Variants in KNL1 observed in about 807,000 individuals in gnomAD.
KNL1 encodes outer kinetochore KNL1 complex subunit KNL1.
Under a neutral mutation model 201.3 loss-of-function variants are expected in KNL1, and 66 were observed. The ratio of observed to expected loss-of-function variants is 0.33; its 90% confidence interval spans 0.27 to 0.40. The LOEUF (loss-of-function observed/expected upper bound fraction) is 0.40, where lower values mean the gene tolerates loss of function less well. Among genes scored for constraint, KNL1 ranks in the 10% least tolerant of loss-of-function variants. The pLI is 1.00. For missense variants in KNL1, 2,815 were observed against 2,690.5 expected, an observed-to-expected ratio of 1.05 and a Z score of -1.02; for synonymous variants, 895 against 899.2, an observed-to-expected ratio of 1.00 and a Z score of 0.08.
rs1892567290 is a variant in KNL1 at position 40,622,356 on chromosome 15, A to G, written c.2092A>G (p.Thr698Ala). The change falls in exon 10 of 26, where the codon ACC becomes GCC. Residue 698 changes from threonine (T) to alanine (A), a missense_variant. Thr to Ala is a moderately conservative substitution (Grantham distance 58, BLOSUM62 0). This residue lies in a region of KNL1 where 2,464 missense variants were observed against 2,291.7 expected (regional missense o/e 1.08). Transcript: ENST00000399668. ...TVSWEQSLFSTTKPLFSSGQF... is the reference protein window; with the variant it reads ...TVSWEQSLFSATKPLFSSGQF... The stretch of plus-strand genomic sequence containing the variant: ...ATCATGGGAACAATCTTTGTTTTCT[A>G]CCACAAAGCCATTATTTTCATCAGG... 4 of 1,613,862 alleles carry G rather than the reference A, an allele frequency of 2.5e-6. No individual in the cohort carries two copies. The highest frequency in any genetic ancestry group is 3.4e-6 in the Non-Finnish European group (4 of 1,179,912).
intron 2 of KNL1, among the ~76,000 whole-genome samples, chr15:40,604,693 A>G (rs1038298660): frequency 2.0e-5 from 3 of 152,182 alleles, no homozygotes; most frequent in Admixed American, 6.5e-5. Flanking sequence ...TGAGAGAGGA[A>G]TTCTCTAGAT....
At chr15:40,659,292 A>G (rs1190603438) in intron 24 of KNL1, 47 bp from the exon 25 acceptor site, 2 of 1,522,880 alleles carry the variant, frequency 1.3e-6, no homozygotes, top group Non-Finnish European at 1.8e-6. Context: ...ATTGTGTTTC[A>G]TGCTATTATT....
chr15:40,613,660 A>G (rs934659013), intron 7 of KNL1, among the ~76,000 whole-genome samples: 2 of 152,068 alleles, frequency 1.3e-5, no homozygotes, highest in African/African-American at 4.8e-5. Context: ...AGACTGGAGT[A>G]TAATGGCATG....
intron 10 of KNL1, chr15:40,626,116 G>A (rs1204939908): frequency 6.6e-6 from 1 of 152,092 alleles, no homozygotes; most frequent in East Asian, 1.9e-4. Context: ...ATATGTAGAA[G>A]TTGAGAGTCC....
At chr15:40,644,406 C>A (rs1167003409) in intron 14 of KNL1, among the ~76,000 whole-genome samples, 1 of 152,204 alleles carries the variant, frequency 6.6e-6, no homozygotes, top group Non-Finnish European at 1.5e-5. Context: ...AATGTACAAT[C>A]GAGTTTTATA....
intron 13 of KNL1, 100 bp from the exon 14 acceptor site, chr15:40,640,811 GT>G (rs1304067506): frequency 1.6e-5 from 12 of 739,846 alleles, no homozygotes; most frequent in Non-Finnish European, 2.8e-5. Context: ...ATTTTTCTTT[GT>G]AGAACATTTT....
chr15:40,644,100 T>C (rs1348581145), intron 14 of KNL1, among the ~76,000 whole-genome samples: 1 of 152,220 alleles, frequency 6.6e-6, no homozygotes, highest in Admixed American at 6.5e-5. Context: ...GGACCTGCAC[T>C]GGCACCGGTC....
chr15:40,662,390 TCAACTTA>T lies in KNL1; in HGVS notation c.*204_*210del. On this transcript the variant is annotated 3_prime_UTR_variant, in exon 26 of 26. Coordinates refer to ENST00000399668, the MANE Select transcript of KNL1 (RefSeq NM_144508.5). ...GGATGGTAGGCCTCATAGCCTACTATCAACTTACTCATCTTTGTACCAAAGGTTTAAG... is the reference window on the plus strand; with the variant it reads ...GGATGGTAGGCCTCATAGCCTACTATCTCATCTTTGTACCAAAGGTTTAAG... The T allele has an allele frequency of 2.1e-6, 1 of 474,216 alleles. No homozygotes were observed. The highest frequency in any genetic ancestry group is 2.0e-5 in the African/African-American group (1 of 50,602). 29.4% of individuals were successfully genotyped at this position (474,216 alleles called of 1,614,324 possible). A position where few individuals can be genotyped will look rare whatever the true frequency, so the allele number is the denominator to read the frequency against.
intron 4 of KNL1, among the ~76,000 whole-genome samples, chr15:40,608,259 A>G (rs1169864057): frequency 6.6e-6 from 1 of 151,962 alleles, no homozygotes; most frequent in Non-Finnish European, 1.5e-5. Context: ...GGATCACTTG[A>G]GGTCAGGAGT....
chr15:40,594,714 G>A (rs1891572234), intron 1 of KNL1, among the ~76,000 whole-genome samples: 1 of 152,118 alleles, frequency 6.6e-6, no homozygotes, highest in South Asian at 2.1e-4. Flanking sequence ...CTCTGTCAGG[G>A]CTCGCGGACT....
At position 40,625,371 on chromosome 15, in the gene KNL1, C is replaced by G. The variant is rs1892711326; in HGVS notation, c.5107C>G (p.Leu1703Val). 21 of 1,613,932 alleles carry G rather than the reference C, an allele frequency of 1.3e-5. No individual in the cohort carries two copies. The highest frequency in any genetic ancestry group is 3.3e-5 in the Admixed American group (2 of 59,988). ...AGGCATTGGATCTGTTGCAGGTAAA[C>G]TGAACCTAAGTCCTTCTCAATATAT... ...DSGIGSVAGKLNLSPSQYINE... is the reference protein window; with the variant it reads ...DSGIGSVAGKVNLSPSQYINE... Residue 1703 changes from leucine (L) to valine (V), a missense_variant, in exon 10 of 26, where the codon CTG (leucine) becomes GTG (valine). Physicochemically the swap from Leu to Val is conservative, Grantham distance 32. Transcript: ENST00000399668.
intron 13 of KNL1, among the ~76,000 whole-genome samples, chr15:40,629,780 C>T (rs988588483): frequency 6.6e-6 from 1 of 151,816 alleles, no homozygotes; most frequent in South Asian, 2.1e-4. Flanking sequence ...GGTTTACAAG[C>T]GTGAGCCACT....
intron 16 of KNL1, 108 bp from the exon 17 acceptor site, chr15:40,646,876 AAAG>A: frequency 1.0e-5 from 5 of 488,706 alleles, no homozygotes; most frequent in South Asian, 5.3e-5. Flanking sequence ...AAAAAAAAAA[AAAG>A]ATTTGCCTGT....
chr15:40,594,821 G>C (rs538304122), intron 1 of KNL1, among the ~76,000 whole-genome samples: 1 of 152,358 alleles, frequency 6.6e-6, no homozygotes, highest in South Asian at 2.1e-4. Context: ...ACAGCAATGA[G>C]TGATTTTAAA....
intron 25 of KNL1, among the ~76,000 whole-genome samples, chr15:40,661,201 C>G (rs554948617): frequency 6.6e-6 from 1 of 151,908 alleles, no homozygotes; most frequent in Admixed American, 6.6e-5. Context: ...TGACAAAACT[C>G]TTTGTTTTTG....
chr15:40,643,302 T>A (rs1452195441), intron 14 of KNL1: 1 of 152,106 alleles, frequency 6.6e-6, no homozygotes, highest in African/African-American at 2.4e-5. Flanking sequence ...CCTCTACTAC[T>A]ACAGGCACCC....
intron 6 of KNL1, among the ~76,000 whole-genome samples, chr15:40,610,599 A>G (rs1028930017): frequency 2.0e-5 from 3 of 152,166 alleles, no homozygotes; most frequent in Non-Finnish European, 4.4e-5. Flanking sequence ...CAGGAGGCTG[A>G]GGTGAGAGGA....
At chr15:40,639,810 C>A (rs572708916) in intron 13 of KNL1, among the ~76,000 whole-genome samples, 9 of 151,616 alleles carry the variant, frequency 5.9e-5, no homozygotes, top group Non-Finnish European at 1.2e-4. Flanking sequence ...GACAGTGGCT[C>A]ACATCTATAA....
intron 13 of KNL1, among the ~76,000 whole-genome samples, chr15:40,633,194 T>A (rs1440299299): frequency 6.6e-6 from 1 of 151,354 alleles, no homozygotes; most frequent in Non-Finnish European, 1.5e-5. Context: ...CCAGGCATGA[T>A]GGCGCGTGCC....
Sources: gnomAD v4.1 joint callset for allele counts (sites outside exome capture counted in the v4.1 genomes callset) on GRCh38, gnomAD v4.1.1 for gene constraint, gnomAD v4.1.1 regional missense constraint, MANE v1.5 for transcripts, NCBI Gene and HGNC (gene_info 2026-07-23, HGNC 2026-07-21) for gene names.